The following LARGE1 variants were observed in gnomAD, a reference collection of about 807,000 sequenced individuals.
LARGE1 encodes the protein LARGE xylosyl- and glucuronyltransferase 1, also known as xylosyl- and glucuronyltransferase LARGE1.
LARGE1 carries 43 observed loss-of-function variants against 87.6 expected under a neutral mutation model. The ratio of observed to expected loss-of-function variants is 0.49; its 90% CI spans 0.38 to 0.63. The LOEUF is 0.63. Among genes scored for constraint, LARGE1 ranks in the 30% least tolerant of loss-of-function variants. The pLI, the probability that LARGE1 is intolerant of heterozygous loss-of-function variation, is 0.00. For missense variants in LARGE1, 802 were observed against 1,000.2 expected (o/e 0.80, Z 2.67); for synonymous variants, 434 against 394.6 (o/e 1.10, Z -1.18).
chr22:33,149,441 G>T, the LARGE1 span, among the ~76,000 whole-genome samples: 2 of 151,962 alleles, frequency 1.3e-5, no homozygotes, highest in Admixed American at 1.3e-4. Context: ...TTGGTGTTTT[G>T]TGCAAGAACT....
chr22:33,217,059 A>G (rs1454316462), intron 11 of LARGE1, among the ~76,000 whole-genome samples: 1 of 152,216 alleles, frequency 6.6e-6, no homozygotes, highest in African/African-American at 2.4e-5. Context: ...GGACTCTTTC[A>G]TGAAGGCTAA....
intron 6 of LARGE1, among the ~76,000 whole-genome samples, chr22:33,504,402 G>A (rs893672013): frequency 6.6e-6 from 1 of 152,182 alleles, no homozygotes; most frequent in African/African-American, 2.4e-5. Context: ...TGGGGTTACA[G>A]GTGCCCACCG....
In LARGE1 at chr22:33,875,099, G is replaced by A. The variant is rs2064422502; in HGVS notation, c.-83+44896C>T. Among the ~76,000 whole-genome samples the A allele has an allele frequency of 2.6e-5, 4 of 152,156 alleles. No homozygotes were observed. In the South Asian group the frequency reaches 8.3e-4, roughly 32 times the overall value. On this transcript the variant is annotated intron_variant, in intron 1 of 14. Coordinates refer to ENST00000397394, the MANE Select transcript of LARGE1 (RefSeq NM_133642.5). ...TAGCTGCTCAACAACTCACTCACTA[G>A]GATTATAATAAATATTACTGGCTTC... is the stretch of plus-strand genomic sequence containing the variant.
intron 1 of LARGE1, among the ~76,000 whole-genome samples, chr22:33,788,744 G>A (rs2085729851): frequency 6.6e-6 from 1 of 152,202 alleles, no homozygotes; most frequent in South Asian, 2.1e-4. Flanking sequence ...TTGAACTTGA[G>A]AGAGAAGATT....
chr22:33,102,546 G>A, the LARGE1 span, among the ~76,000 whole-genome samples: 1 of 151,430 alleles, frequency 6.6e-6, no homozygotes. Context: ...CTGGAGTGCA[G>A]TGGCACGATC....
intron 1 of LARGE1, among the ~76,000 whole-genome samples, chr22:33,839,993 C>A (rs1265637133): frequency 2.6e-5 from 4 of 152,134 alleles, no homozygotes; most frequent in African/African-American, 9.7e-5. Context: ...CCCTGCTGAT[C>A]CCATTTACTT....
the LARGE1 span, among the ~76,000 whole-genome samples, chr22:33,136,270 C>T: frequency 1.7e-4 from 26 of 152,302 alleles, no homozygotes; most frequent in South Asian, 8.3e-4. Context: ...AGCAGACTCA[C>T]GGTTCCACAT....
chr22:33,424,537 T>TG (rs2066805316), intron 7 of LARGE1, among the ~76,000 whole-genome samples: 2 of 152,182 alleles, frequency 1.3e-5, no homozygotes, highest in African/African-American at 2.4e-5. Flanking sequence ...ATTAAAGTCC[T>TG]AAACCCGTCC....
At chr22:33,371,192 T>C (rs1295698546) in intron 9 of LARGE1, among the ~76,000 whole-genome samples, 1 of 151,808 alleles carries the variant, frequency 6.6e-6, no homozygotes, top group Non-Finnish European at 1.5e-5. Context: ...AGAAATTTTA[T>C]TTTGATTGGC....
chr22:33,791,289 AAAG>A (rs929463801), intron 1 of LARGE1, among the ~76,000 whole-genome samples: 45 of 152,336 alleles, frequency 3.0e-4, no homozygotes, highest in African/African-American at 1.1e-3. Context: ...AAAAATTAAA[AAAG>A]AAGAACAAAG....
intron 7 of LARGE1, among the ~76,000 whole-genome samples, chr22:33,426,904 G>A (rs771429061): frequency 1.5e-4 from 23 of 152,214 alleles, no homozygotes; most frequent in Non-Finnish European, 1.8e-4. Context: ...CGCACCTTGT[G>A]CTTGAGTCGC....
At chr22:33,195,342 A>G (rs897912406) in intron 11 of LARGE1, among the ~76,000 whole-genome samples, 39 of 152,214 alleles carry the variant, frequency 2.6e-4, no homozygotes, top group Admixed American at 2.6e-3. Context: ...ACTAACTGGT[A>G]TCTGTAGAAA....
intron 1 of LARGE1, among the ~76,000 whole-genome samples, chr22:33,820,483 G>A (rs1009726406): frequency 5.3e-5 from 8 of 151,830 alleles, no homozygotes; most frequent in South Asian, 2.1e-4. Flanking sequence ...CACCATGCCC[G>A]GCTAATTTTT....
chr22:33,489,903 G>C (rs2069752986), intron 6 of LARGE1, among the ~76,000 whole-genome samples: 1 of 152,156 alleles, frequency 6.6e-6, no homozygotes, highest in Non-Finnish European at 1.5e-5. Flanking sequence ...AGCGTAGATG[G>C]GGCTGGGCTG....
chr22:33,379,965 T>C (rs1405411716), intron 9 of LARGE1, among the ~76,000 whole-genome samples: 1 of 152,180 alleles, frequency 6.6e-6, no homozygotes, highest in Non-Finnish European at 1.5e-5. Flanking sequence ...TTTCTTATAA[T>C]ACCAGGCTCA....
At position 33,397,230 on chromosome 22, in the gene LARGE1, C is replaced by G. The variant is rs1200550362; in HGVS notation, c.893-12926G>C. Among the ~76,000 whole-genome samples, 11 of 152,308 alleles carry G rather than the reference C, an allele frequency of 7.2e-5. No individual in the cohort carries two copies. In the East Asian group the frequency reaches 2.1e-3, roughly 29 times the overall value. On this transcript the variant is annotated intron_variant, in intron 7 of 14. Transcript: ENST00000397394. ...TCCTGGGTCCAAGCAATTCTCCTAC[C>G]TCAGCCTCCCGAGTAGCTGGGATAA...
intron 3 of LARGE1, among the ~76,000 whole-genome samples, chr22:33,631,228 C>T (rs941796308): frequency 1.3e-5 from 2 of 151,974 alleles, no homozygotes; most frequent in Admixed American, 6.6e-5. Flanking sequence ...TATTCACAGA[C>T]ATGATCACAG....
At chr22:33,280,871 C>T (rs1276544954) in intron 13 of LARGE1, among the ~76,000 whole-genome samples, 3 of 152,144 alleles carry the variant, frequency 2.0e-5, no homozygotes, top group African/African-American at 7.2e-5. Context: ...GTTCCAATTC[C>T]AGAGTTTCTG....
At chr22:33,091,267 C>T in the LARGE1 span, among the ~76,000 whole-genome samples, 1 of 152,096 alleles carries the variant, frequency 6.6e-6, no homozygotes, top group Non-Finnish European at 1.5e-5. Context: ...AGATCAGAGA[C>T]ATCCCATCCT....
Sources: gnomAD v4.1 joint callset for allele counts (sites outside exome capture counted in the v4.1 genomes callset) on GRCh38, gnomAD v4.1.1 for gene constraint, MANE v1.5 for transcripts, NCBI Gene and HGNC (gene_info 2026-07-23, HGNC 2026-07-21) for gene names.